Variants in WIPF1 observed in about 807,000 individuals in gnomAD.
WIPF1 encodes WAS/WASL interacting protein family member 1.
Under a neutral mutation model 35.4 loss-of-function variants are expected in WIPF1, and 13 were observed. The ratio of observed to expected loss-of-function variants is 0.37; its 90% CI spans 0.24 to 0.58. The LOEUF (loss-of-function observed/expected upper bound fraction) is 0.58. WIPF1 is among the 20% of genes least tolerant of loss of function. The pLI is 0.74. For missense variants in WIPF1, 591 were observed against 667.0 expected (o/e 0.89, Z 1.25); for synonymous variants, 267 against 266.3 (o/e 1.00, Z -0.02).
At chr2:174,643,215 T>A (rs1574856946) in intron 1 of WIPF1, among the ~76,000 whole-genome samples, 1 of 149,458 alleles carries the variant, frequency 6.7e-6, no homozygotes, top group East Asian at 1.9e-4. Context: ...TGCTCCATGA[T>A]CTTTTAAAAA....
At chr2:174,575,634 C>A (rs1003032507) in intron 3 of WIPF1, among the ~76,000 whole-genome samples, 1 of 152,218 alleles carries the variant, frequency 6.6e-6, no homozygotes, top group Admixed American at 6.5e-5. Context: ...TGACTGGCTG[C>A]CACATGGGTC....
At chr2:174,629,028 T>C (rs1181020047) in intron 1 of WIPF1, among the ~76,000 whole-genome samples, 3 of 152,178 alleles carry the variant, frequency 2.0e-5, no homozygotes, top group Non-Finnish European at 4.4e-5. Context: ...TTAGAGAAAA[T>C]TATCCTCTGG....
chr2:174,574,952 G>T, intron 4 of WIPF1: 1 of 621,126 alleles, frequency 1.6e-6, no homozygotes, highest in Non-Finnish European at 2.9e-6. Context: ...CTTTAGAAAA[G>T]TAAAAAAAAA....
At chr2:174,650,829 G>A (rs1687520034) in intron 1 of WIPF1, among the ~76,000 whole-genome samples, 1 of 152,240 alleles carries the variant, frequency 6.6e-6, no homozygotes, top group East Asian at 1.9e-4. Context: ...GCAGGTGCCT[G>A]CCATGAGAAC....
chr2:174,633,317 C>T (rs1248810586), intron 1 of WIPF1, among the ~76,000 whole-genome samples: 1 of 152,242 alleles, frequency 6.6e-6, no homozygotes, highest in Non-Finnish European at 1.5e-5. Context: ...GAGCCCCTCA[C>T]CCCTTCGTTG....
chr2:174,663,902 T>A (rs185153003), intron 1 of WIPF1, among the ~76,000 whole-genome samples: 1 of 152,182 alleles, frequency 6.6e-6, no homozygotes, highest in Admixed American at 6.5e-5. Flanking sequence ...CTGAGAGCCA[T>A]AGAGCGTTGG....
At chr2:174,570,949 C>T (rs1464011123) in intron 5 of WIPF1, among the ~76,000 whole-genome samples, 4 of 152,184 alleles carry the variant, frequency 2.6e-5, no homozygotes. Context: ...GCAATCCTCA[C>T]ATTTCCTTTC....
chr2:174,571,167 T>C lies in WIPF1; in HGVS notation c.1129+509A>G, dbSNP rs1007426486. The C allele has an allele frequency of 5.0e-6, 1 of 198,296 alleles. No homozygotes were observed. Among genetic ancestry groups the C allele is most frequent in the Non-Finnish European group, 1.0e-5 (1 of 96,214 alleles). 12.3% of individuals were successfully genotyped at this position (198,296 alleles called of 1,614,324 possible). On this transcript the variant is annotated intron_variant, in intron 5 of 7. Transcript: ENST00000679041. The surrounding 1 kb of genome is among the most constrained non-coding windows in gnomAD (Gnocchi z 4.6). ...GTACCAGAGATTACAAAGAGCAAAA[T>C]GGACTTTTTAAACATTAGTCTTTAA...
At chr2:174,679,326 G>A (rs142062143) in intron 1 of WIPF1, among the ~76,000 whole-genome samples, 2,916 of 152,116 alleles carry the variant, frequency 0.019, 59 homozygotes, top group Admixed American at 0.035. Context: ...AAAATTAGCC[G>A]GGCGTGGTGC....
intron 1 of WIPF1, among the ~76,000 whole-genome samples, chr2:174,588,981 G>A (rs954720387): frequency 6.6e-6 from 1 of 152,184 alleles, no homozygotes; most frequent in Non-Finnish European, 1.5e-5. Flanking sequence ...ACACAGATGA[G>A]GGAGGCTGCC....
intron 1 of WIPF1, among the ~76,000 whole-genome samples, chr2:174,589,175 C>T (rs574506694): frequency 6.6e-6 from 1 of 152,372 alleles, no homozygotes; most frequent in African/African-American, 2.4e-5. Flanking sequence ...ACCAGGCCCA[C>T]TTCTTGGCTG....
chr2:174,595,121 T>A (rs1324858491), intron 1 of WIPF1, among the ~76,000 whole-genome samples: 13,549 of 46,444 alleles, frequency 0.29, 2,782 homozygotes, highest in East Asian at 0.65. Context: ...TATATATATA[T>A]ATATATATAT....
At chr2:174,618,096 CTCT>C (rs1444050341) in intron 1 of WIPF1, among the ~76,000 whole-genome samples, 1 of 152,216 alleles carries the variant, frequency 6.6e-6, no homozygotes, top group Non-Finnish European at 1.5e-5. Context: ...TTCTTTTATA[CTCT>C]TCAAGTCCTC....
At position 174,651,125 on chromosome 2, in the gene WIPF1, G is replaced by A. The variant is rs185361738; in HGVS notation, c.-39+31649C>T. Among the ~76,000 whole-genome samples, 6 of 152,282 alleles carry A rather than the reference G, an allele frequency of 3.9e-5. No homozygotes were observed. The East Asian group carries it at 1.2e-3, about 29-fold the overall frequency. On this transcript the variant is annotated intron_variant, in intron 1 of 8. Coordinates refer to the WIPF1 transcript ENST00000272746. ...AACTTCTAAGTCATCTGTGGAGACCGCTCAACTGATTCCAAGTGGAAGTAC... is the reference window on the plus strand; with the variant it reads ...AACTTCTAAGTCATCTGTGGAGACCACTCAACTGATTCCAAGTGGAAGTAC...
upstream of WIPF1, among the ~76,000 whole-genome samples, chr2:174,599,038 T>C (rs1256364837): frequency 4.6e-5 from 7 of 152,228 alleles, no homozygotes; most frequent in Admixed American, 6.5e-5. Context: ...ACTAGCTTCA[T>C]TGTAAAATCT....
intron 1 of WIPF1, among the ~76,000 whole-genome samples, chr2:174,670,241 CTT>C (rs936110981): frequency 3.2e-4 from 49 of 152,304 alleles, no homozygotes; most frequent in Middle Eastern, 6.8e-3. Flanking sequence ...CCACCAGACT[CTT>C]TGTCTTATTT....
chr2:174,592,260 C>T (rs1261736844), intron 1 of WIPF1, among the ~76,000 whole-genome samples: 1 of 152,188 alleles, frequency 6.6e-6, no homozygotes, highest in East Asian at 1.9e-4. Flanking sequence ...ACACAGTTGA[C>T]AATCCTCCAA....
chr2:174,571,541 G>C lies in WIPF1; in HGVS notation c.1129+135C>G. ...ACACGAGGTCACGATCACACGTGTC[G>C]TGTGCCACTTAAAAGCACAAAGCAG... On this transcript the variant is annotated intron_variant, in intron 5 of 7. Transcript: ENST00000679041. The surrounding 1 kb of genome is among the most constrained non-coding windows in gnomAD (Gnocchi z 4.6). The C allele has an allele frequency of 2.5e-6, 3 of 1,208,576 alleles. No individual in the cohort carries two copies. In the South Asian group the frequency reaches 3.6e-5, roughly 15 times the overall value. The allele number at this position is 1,208,576 out of a possible 1,614,324, so 74.9% of individuals were successfully genotyped here.
At position 174,571,377 on chromosome 2, in the gene WIPF1, T is replaced by C; in HGVS notation, c.1129+299A>G. ...GGAGGCAGGGTAGTGGACTGGCAAG[T>C]ACACTTCAGAGATGGAAGATGAAAG... On this transcript the variant is annotated intron_variant, in intron 5 of 7. Transcript: ENST00000679041. This position sits in a 1 kb window ranked among gnomAD's most constrained non-coding sequence, Gnocchi z 4.6. 1 of 596,940 alleles carries C rather than the reference T, an allele frequency of 1.7e-6. No homozygotes were observed. The highest frequency in any genetic ancestry group is 3.0e-5 in the Admixed American group (1 of 33,256). The allele number at this position is 596,940 out of a possible 1,614,324, so 37.0% of individuals were successfully genotyped here.
Sources: gnomAD v4.1 joint callset for allele counts (sites outside exome capture counted in the v4.1 genomes callset) on GRCh38, gnomAD v4.1.1 for gene constraint, Gnocchi (gnomAD v3.1) non-coding constraint, MANE v1.5 for transcripts, NCBI Gene and HGNC (gene_info 2026-07-23, HGNC 2026-07-21) for gene names.